The following SYCP2L variants were observed in gnomAD, a reference collection of about 807,000 sequenced individuals.
SYCP2L encodes the protein synaptonemal complex protein 2-like.
In SYCP2L, 98 loss-of-function variants were observed where a neutral mutation model predicts 125.8. The observed-to-expected ratio is 0.78, with a 90% CI of 0.66 to 0.92. The LOEUF (loss-of-function observed/expected upper bound fraction) is 0.92, where lower values mean the gene tolerates loss of function less well. Among genes scored for constraint, SYCP2L ranks in the 40% least tolerant of loss-of-function variants. The probability of loss-of-function intolerance (pLI) is 0.00; values close to 1 mark genes in which losing one functional copy is unlikely to be tolerated. For missense variants in SYCP2L, 842 were observed against 936.4 expected (o/e 0.90, Z 1.32); for synonymous variants, 317 against 325.4 (o/e 0.97, Z 0.28).
At chr6:10,892,157 C>T (rs558768080) in intron 2 of SYCP2L, among the ~76,000 whole-genome samples, 2 of 152,316 alleles carry the variant, frequency 1.3e-5, no homozygotes, top group South Asian at 2.1e-4. Flanking sequence ...ACAGCCAGTT[C>T]AAAGGCCCCG....
chr6:10,917,599 A>G (rs1358030596), intron 14 of SYCP2L, among the ~76,000 whole-genome samples: 7 of 152,210 alleles, frequency 4.6e-5, no homozygotes, highest in Non-Finnish European at 8.8e-5. Flanking sequence ...TTCATTCTGC[A>G]ATTCTGTATC....
At position 10,942,518 on chromosome 6, in the gene SYCP2L, G is replaced by A. The variant is rs1186966625; in HGVS notation, c.1873G>A (p.Glu625Lys). 3.1e-6 allele frequency: 5 copies of A among 1,603,266 alleles called. No individual in the cohort carries two copies. In the African/African-American group the frequency reaches 6.7e-5, roughly 22 times the overall value. The change falls in exon 22 of 30, where the codon GAA becomes AAA. Residue 625 changes from glutamate to lysine, a missense_variant. Transcript: ENST00000283141. ...LSSLKHSEDE[E>K]KPKIVNQESL... ...TTCCTTGAAGCACTCAGAAGATGAA[G>A]AAAAACCTAAGGTACTATTTAATTG...
At chr6:10,965,692 T>C (rs9468122) in intron 29 of SYCP2L, among the ~76,000 whole-genome samples, 39,875 of 152,182 alleles carry the variant, frequency 0.26, 5,686 homozygotes, top group East Asian at 0.42. Context: ...AGGATAATGT[T>C]AGTGCTGCTC....
chr6:10,949,360 A>G (rs1255614496), intron 23 of SYCP2L, among the ~76,000 whole-genome samples: 1 of 152,152 alleles, frequency 6.6e-6, no homozygotes, highest in African/African-American at 2.4e-5. Context: ...TGTATTTTTT[A>G]AAACCCAGTT....
chr6:10,907,353 C>T (rs1195532107), intron 9 of SYCP2L, among the ~76,000 whole-genome samples, 189 bp from the exon 10 acceptor site: 1 of 139,066 alleles, frequency 7.2e-6, no homozygotes, highest in Non-Finnish European at 1.6e-5. Flanking sequence ...GAGACAATCT[C>T]AAAAAAAAAA....
intron 6 of SYCP2L, 23 bp from the exon 7 acceptor site, chr6:10,902,654 A>G: frequency 6.3e-7 from 1 of 1,597,412 alleles, no homozygotes; most frequent in Non-Finnish European, 8.6e-7. Context: ...CATAAATTTG[A>G]TGCTTTGAAA....
chr6:10,939,273 GA>G (rs1391340996), intron 21 of SYCP2L, among the ~76,000 whole-genome samples: 1 of 152,120 alleles, frequency 6.6e-6, no homozygotes, highest in Non-Finnish European at 1.5e-5. Flanking sequence ...ACATGGATTG[GA>G]AGAATTGTTA....
chr6:10,904,602 C>G (rs1780450231), intron 8 of SYCP2L, among the ~76,000 whole-genome samples: 1 of 152,156 alleles, frequency 6.6e-6, no homozygotes, highest in Admixed American at 6.6e-5. Flanking sequence ...CCTAAGTTTT[C>G]AAACTAATCT....
intron 20 of SYCP2L, among the ~76,000 whole-genome samples, chr6:10,932,529 C>T (rs1781013960): frequency 6.6e-6 from 1 of 151,944 alleles, no homozygotes; most frequent in East Asian, 1.9e-4. Flanking sequence ...ACATCTTCAT[C>T]GTCTGTCTTC....
At chr6:10,915,963 G>A (rs1198598661) in intron 14 of SYCP2L, among the ~76,000 whole-genome samples, 1 of 152,134 alleles carries the variant, frequency 6.6e-6, no homozygotes, top group African/African-American at 2.4e-5. Flanking sequence ...ACTTTTTGGT[G>A]TTGGTAATTT....
At chr6:10,931,736 G>A (rs552649211) in intron 20 of SYCP2L, among the ~76,000 whole-genome samples, 12 of 152,142 alleles carry the variant, frequency 7.9e-5, no homozygotes, top group African/African-American at 2.4e-4. Context: ...ATGCCAAGGC[G>A]GGTGGATCAC....
rs1780517757 is a variant in SYCP2L, at chr6:10,907,425, A to G, written c.677-117A>G. 4.6e-6 allele frequency: 4 copies of G among 876,126 alleles called. No individual in the cohort carries two copies. In the African/African-American group the frequency reaches 6.8e-5, roughly 15 times the overall value. 54.3% of individuals were successfully genotyped at this position (876,126 alleles called of 1,614,324 possible). On this transcript the variant is annotated intron_variant, in intron 9 of 29. Transcript: ENST00000283141. ...CATTTTGCTGTGGTAACTTTTTAAG[A>G]CACAATGCTAGGCTTCTCAGATGGA...
intron 29 of SYCP2L, among the ~76,000 whole-genome samples, chr6:10,965,350 GT>G (rs1400614223): frequency 6.6e-6 from 1 of 152,180 alleles, no homozygotes; most frequent in East Asian, 1.9e-4. Context: ...AGTCTTCTAG[GT>G]TTTTGTCTTT....
At chr6:10,936,663 G>GA (rs922934674) in intron 21 of SYCP2L, among the ~76,000 whole-genome samples, 1 of 152,160 alleles carries the variant, frequency 6.6e-6, no homozygotes, top group African/African-American at 2.4e-5. Flanking sequence ...TGAATGGATA[G>GA]AAAAAAGTGA....
At chr6:10,962,999 C>T (rs1781619573) in intron 28 of SYCP2L, among the ~76,000 whole-genome samples, 1 of 152,198 alleles carries the variant, frequency 6.6e-6, no homozygotes, top group Admixed American at 6.5e-5. Context: ...GATAAAAAGC[C>T]ACACTGTGTT....
intron 29 of SYCP2L, among the ~76,000 whole-genome samples, chr6:10,967,454 G>GGGGGGTGTGTGTGT (rs56098075): frequency 3.6e-5 from 5 of 138,838 alleles, no homozygotes; most frequent in Non-Finnish European, 7.8e-5. Flanking sequence ...TGGGGTAGAG[G>GGGGGGTGTGTGTGT]GTGTGTGTGT....
chr6:10,935,049 A>G lies in SYCP2L; in HGVS notation c.1684-9A>G, dbSNP rs201933692. ...AATGTTAACACTTAAAAAAGATACT[A>G]TATTTTAGGCTAAGCTTCTATCACC... On this transcript the variant is annotated splice_polypyrimidine_tract_variant and intron_variant, in intron 20 of 29. Coordinates refer to ENST00000283141, the MANE Select transcript of SYCP2L (RefSeq NM_001040274.3). The G allele has an allele frequency of 3.2e-5, 50 of 1,583,532 alleles. No individual in the cohort carries two copies. The highest frequency in any genetic ancestry group is 6.8e-5 in the African/African-American group (5 of 73,250).
chr6:10,971,472 A>AAAG (rs1554109164), intron 29 of SYCP2L, among the ~76,000 whole-genome samples: 1 of 151,086 alleles, frequency 6.6e-6, no homozygotes, highest in African/African-American at 2.4e-5. Flanking sequence ...AAAAAAAAAA[A>AAAG]AAAGAAAGAA....
At chr6:10,903,266 C>T (rs558524529) in intron 8 of SYCP2L, among the ~76,000 whole-genome samples, 1 of 151,828 alleles carries the variant, frequency 6.6e-6, no homozygotes, top group African/African-American at 2.4e-5. Context: ...AACCCCATCT[C>T]GGCCAGGCGT....
Sources: allele counts gnomAD v4.1 joint callset (sites outside exome capture counted in the v4.1 genomes callset), GRCh38; gene constraint gnomAD v4.1.1; transcripts MANE v1.5; gene names NCBI Gene and HGNC (gene_info 2026-07-23, HGNC 2026-07-21).